The following TTC21B variants were observed in gnomAD, a reference collection of about 807,000 sequenced individuals.
The protein encoded by TTC21B is tetratricopeptide repeat domain 21B.
A neutral mutation model predicts 175.1 loss-of-function variants in TTC21B; 127 were observed. That is an observed-to-expected ratio of 0.73 (90% CI 0.63 to 0.84). The LOEUF (loss-of-function observed/expected upper bound fraction) is 0.84. Ranked by LOEUF, TTC21B falls within the 40% of genes least tolerant of loss-of-function variation. The probability of loss-of-function intolerance (pLI) is 0.00; values close to 1 mark genes in which losing one functional copy is unlikely to be tolerated. For missense variants in TTC21B, 1,561 were observed against 1,558.3 expected (o/e 1.00, Z -0.03); for synonymous variants, 524 against 524.5 (o/e 1.00, Z 0.01).
intron 16 of TTC21B, 97 bp from the exon 17 acceptor site, chr2:165,912,721 T>C (rs1685999252): frequency 1.1e-6 from 1 of 911,538 alleles, no homozygotes; most frequent in Admixed American, 1.7e-5. Context: ...ACATTTGTAA[T>C]ATTACATAAG....
At position 165,933,006 on chromosome 2, in the gene TTC21B, G is replaced by C; in HGVS notation, c.762C>G (p.Leu254=). The C allele has an allele frequency of 6.2e-7, 1 of 1,613,054 alleles. No individual in the cohort carries two copies. The highest frequency in any genetic ancestry group is 8.5e-7 in the Non-Finnish European group (1 of 1,179,510). ...QNVEALRMQA[L]YYVCREGDIE... ...TATCCCCCTCTCTACACACATAGTA[G>C]AGTGCCTGCATTCTCAGTGCTTCCA... The change falls in exon 7 of 29, where the codon CTC becomes CTG. Residue 254 remains leucine, a synonymous_variant. Coordinates refer to ENST00000243344, the MANE Select transcript of TTC21B (RefSeq NM_024753.5).
In TTC21B at chr2:165,905,722, T is replaced by C. The variant is rs77260108; in HGVS notation, c.2568+1956A>G. 6.4e-3 allele frequency among the ~76,000 whole-genome samples: 968 copies of C among 152,224 alleles called. 9 individuals carry two copies. The highest frequency in any genetic ancestry group is 0.022 in the African/African-American group (925 of 41,546). On this transcript the variant is annotated intron_variant, in intron 19 of 28. Coordinates refer to ENST00000243344, the MANE Select transcript of TTC21B (RefSeq NM_024753.5). ...CTGAAAGACTTTAACACCCCTCTCA[T>C]ACAAATAGACCAAAACCAAGCAAAC...
intron 12 of TTC21B, among the ~76,000 whole-genome samples, chr2:165,920,650 C>T (rs949589329): frequency 6.8e-6 from 1 of 147,558 alleles, no homozygotes; most frequent in Non-Finnish European, 1.5e-5. Context: ...GGGTTTGCAA[C>T]TAAGAGAATG....
chr2:165,930,429 A>AT (rs1686846296), intron 8 of TTC21B, 65 bp from the exon 9 acceptor site: 2 of 1,155,452 alleles, frequency 1.7e-6, no homozygotes, highest in Non-Finnish European at 2.4e-6. Flanking sequence ...CTAAAGGATT[A>AT]TTTTTTCTAA....
chr2:165,875,386 A>C (rs1684633830), intron 28 of TTC21B, among the ~76,000 whole-genome samples: 1 of 152,100 alleles, frequency 6.6e-6, no homozygotes, highest in South Asian at 2.1e-4. Flanking sequence ...GCAATTACTA[A>C]GGCCAAGTAT....
chr2:165,890,413 T>C, intron 24 of TTC21B, 66 bp downstream of exon 24: 2 of 1,482,890 alleles, frequency 1.3e-6, no homozygotes, highest in Non-Finnish European at 1.9e-6. Flanking sequence ...TTCTTTTGTA[T>C]AGTATCCCTG....
At chr2:165,916,084 A>C (rs903834485) in intron 14 of TTC21B, among the ~76,000 whole-genome samples, 1 of 152,154 alleles carries the variant, frequency 6.6e-6, no homozygotes, top group Non-Finnish European at 1.5e-5. Context: ...GTAGTTTGAG[A>C]CCATCCTGCA....
intron 1 of TTC21B, among the ~76,000 whole-genome samples, chr2:165,952,618 T>G (rs953023644): frequency 1.1e-4 from 16 of 152,154 alleles, no homozygotes; most frequent in African/African-American, 3.9e-4. Flanking sequence ...AATGTTCATT[T>G]GGGTGGCAGT....
At chr2:165,896,482 C>A (rs868804203) in intron 22 of TTC21B, among the ~76,000 whole-genome samples, 2 of 152,078 alleles carry the variant, frequency 1.3e-5, no homozygotes, top group Non-Finnish European at 2.9e-5. Context: ...TTTTGTTTCA[C>A]AAGGGCTACA....
intron 20 of TTC21B, among the ~76,000 whole-genome samples, 160 bp from the exon 21 acceptor site, chr2:165,900,040 C>G (rs1322446872): frequency 6.7e-6 from 1 of 148,544 alleles, no homozygotes; most frequent in Non-Finnish European, 1.5e-5. Context: ...GTATGTATAC[C>G]CATCTCTATT....
chr2:165,918,186 T>C (rs1417149537), intron 13 of TTC21B, among the ~76,000 whole-genome samples: 1 of 152,232 alleles, frequency 6.6e-6, no homozygotes, highest in African/African-American at 2.4e-5. Flanking sequence ...AGACTCACGC[T>C]TGTGCTCCTT....
chr2:165,930,788 T>C (rs1323271113), intron 8 of TTC21B, among the ~76,000 whole-genome samples: 3 of 135,206 alleles, frequency 2.2e-5, no homozygotes, highest in Non-Finnish European at 5.1e-5. Flanking sequence ...ATGCTTTTTC[T>C]TATTGAATAA....
At chr2:165,935,952 T>C (rs1006614266) in intron 6 of TTC21B, among the ~76,000 whole-genome samples, 4 of 135,828 alleles carry the variant, frequency 2.9e-5, no homozygotes, top group Admixed American at 1.4e-4. Flanking sequence ...TTTGAGGATA[T>C]TGACAAACTC....
At chr2:165,947,365 CT>C (rs1559077462) in intron 3 of TTC21B, 1 of 151,054 alleles carries the variant, frequency 6.6e-6, no homozygotes, top group African/African-American at 2.4e-5. Context: ...CCTTTCAACT[CT>C]AATGATACAA....
chr2:165,906,921 C>G (rs1325092489), intron 19 of TTC21B, among the ~76,000 whole-genome samples: 1 of 140,198 alleles, frequency 7.1e-6, no homozygotes, highest in Non-Finnish European at 1.5e-5. Flanking sequence ...TGCCATTACA[C>G]TCCAGCCTGG....
At chr2:165,922,566 C>CAAAAAAA (rs71031215) in intron 12 of TTC21B, among the ~76,000 whole-genome samples, 10 of 97,402 alleles carry the variant, frequency 1.0e-4, no homozygotes, top group Admixed American at 2.2e-4. Context: ...ATTAAAAAGT[C>CAAAAAAA]AAAAAAAAAA....
chr2:165,924,070 T>G (rs559087900), intron 12 of TTC21B, among the ~76,000 whole-genome samples: 1 of 152,160 alleles, frequency 6.6e-6, no homozygotes, highest in Non-Finnish European at 1.5e-5. Flanking sequence ...TCTATTTTTA[T>G]GTGTAAAGTC....
intron 15 of TTC21B, among the ~76,000 whole-genome samples, chr2:165,914,552 C>A (rs1214613689): frequency 1.3e-5 from 2 of 151,924 alleles, no homozygotes; most frequent in South Asian, 2.1e-4. Context: ...ATTACTTCAT[C>A]AACAGTTTAC....
In TTC21B at chr2:165,915,092, C is replaced by T. The variant is rs148351217; in HGVS notation, c.2138+109G>A. ...AGGAATCAGGACCACATTCAGAAAA[C>T]GATCTGTAAAGTATTTGTGAAGCAG... is the stretch of plus-strand genomic sequence containing the variant. On this transcript the variant is annotated intron_variant, in intron 15 of 28. Transcript: ENST00000243344. The T allele has an allele frequency of 5.6e-4, 513 of 908,634 alleles. No individual in the cohort carries two copies. In the African/African-American group the frequency reaches 7.7e-3, roughly 14 times the overall value. The allele number at this position is 908,634 out of a possible 1,614,324, so 56.3% of individuals were successfully genotyped here. A position where few individuals can be genotyped will look rare whatever the true frequency, so the allele number is the denominator to read the frequency against.
Sources: allele counts gnomAD v4.1 joint callset (sites outside exome capture counted in the v4.1 genomes callset), GRCh38; gene constraint gnomAD v4.1.1; transcripts MANE v1.5; gene names NCBI Gene and HGNC (gene_info 2026-07-23, HGNC 2026-07-21).